The following PPFIBP1 variants were observed in gnomAD, a reference collection of about 807,000 sequenced individuals.
PPFIBP1 encodes the protein PPFIB scaffold protein 1, also known as liprin-beta-1.
Under a neutral mutation model 137.8 loss-of-function variants are expected in PPFIBP1, and 112 were observed. That is an observed-to-expected ratio of 0.81 (90% CI 0.70 to 0.95). The LOEUF is 0.95. Among genes scored for constraint, PPFIBP1 ranks in the 40% least tolerant of loss-of-function variants. The pLI, the probability that PPFIBP1 is intolerant of heterozygous loss-of-function variation, is 0.00. For synonymous variants in PPFIBP1, 378 were observed against 417.3 expected, an observed-to-expected ratio of 0.91 and a Z score of 1.15; for missense variants, 1,083 against 1,196.6, an observed-to-expected ratio of 0.91 and a Z score of 1.40.
chr12:27,531,978 C>T (rs1477239915), intron 1 of PPFIBP1, among the ~76,000 whole-genome samples: 1 of 152,042 alleles, frequency 6.6e-6, no homozygotes, highest in Non-Finnish European at 1.5e-5. Flanking sequence ...TTGTTACTAG[C>T]TGTGTGATTT....
At chr12:27,633,259 A>C (rs2057385124) in intron 2 of PPFIBP1, 103 bp from the exon 3 acceptor site, 12 of 758,680 alleles carry the variant, frequency 1.6e-5, no homozygotes, top group Admixed American at 2.5e-5. Flanking sequence ...TTCTTCTTCC[A>C]TATTTGACTA....
In PPFIBP1 at chr12:27,692,818, T is replaced by A; in HGVS notation, c.2954T>A (p.Met985Lys). ...NLTHMLKEDD[M>K]FKDFAARSPS... ...CAGCACATGTTAAAAGAAGATGACA[T>A]GTTTAAAGATTTTGCTGCCCGTTCC... The change falls in exon 30 of 30, where the codon ATG becomes AAG. Residue 985 changes from methionine (M) to lysine (K), a missense_variant. Met to Lys is a moderately conservative substitution (Grantham distance 95). Transcript: ENST00000228425. 6.2e-7 allele frequency: 1 copy of A among 1,614,188 alleles called. No homozygotes were observed. Among genetic ancestry groups the A allele is most frequent in the Non-Finnish European group, 8.5e-7 (1 of 1,180,026 alleles).
intron 12 of PPFIBP1, 132 bp downstream of exon 12, chr12:27,664,578 C>A (rs2059743855): frequency 3.2e-6 from 2 of 617,020 alleles, no homozygotes; most frequent in African/African-American, 1.9e-5. Flanking sequence ...GTTAATTGAA[C>A]AATTAGGCAA....
Position 27,656,662 on chromosome 12 carries a change from A to T in PPFIBP1, c.743A>T (p.Glu248Val), listed in dbSNP as rs369414467. 2.5e-6 allele frequency: 4 copies of T among 1,613,022 alleles called. No homozygotes were observed. Among genetic ancestry groups the T allele is most frequent in the Non-Finnish European group, 3.4e-6 (4 of 1,179,166 alleles). The change falls in exon 9 of 30, where the codon GAA becomes GTA. Residue 248 changes from glutamate (E) to valine (V), a missense_variant. By Grantham distance (121) the Glu-to-Val change is moderately radical (BLOSUM62 -2). Coordinates refer to ENST00000228425, the MANE Select transcript of PPFIBP1 (RefSeq NM_003622.4). ...LKEQLEEKES[E>V]VKRLQEKLVC... ...GAACAACTAGAAGAAAAGGAATCTG[A>T]AGTAAAAAGGCTACAAGAAAAATTG...
chr12:27,647,684 C>A, intron 5 of PPFIBP1, 45 bp from the exon 6 acceptor site: 3 of 1,234,634 alleles, frequency 2.4e-6, no homozygotes, highest in South Asian at 1.8e-5. Context: ...TGCAGTGGGA[C>A]CCAAATTCTT....
intron 2 of PPFIBP1, chr12:27,592,447 GA>G (rs750972680): frequency 1.8e-4 from 161 of 882,086 alleles, no homozygotes; most frequent in Middle Eastern, 9.9e-4. Flanking sequence ...CCAAAAAGTT[GA>G]AAAATCTGTC....
chr12:27,555,095 G>A lies in PPFIBP1; in HGVS notation c.-123-23057G>A, dbSNP rs149108639. Among the ~76,000 whole-genome samples the A allele has an allele frequency of 2.7e-3, 413 of 152,208 alleles. 3 individuals are homozygous for A. The highest frequency in any genetic ancestry group is 0.01 in the Middle Eastern group (3 of 294). On this transcript the variant is annotated intron_variant, in intron 1 of 29. Transcript: ENST00000228425. Reference sequence around the variant, plus strand: ...AGGCAGGCCCTTCCAGTAAGCAAACGAGCCAAGCTGTTGACAGGAGGTGGC... The same window carrying A: ...AGGCAGGCCCTTCCAGTAAGCAAACAAGCCAAGCTGTTGACAGGAGGTGGC...
At chr12:27,650,872 A>G (rs1455513480) in intron 7 of PPFIBP1, among the ~76,000 whole-genome samples, 2 of 152,244 alleles carry the variant, frequency 1.3e-5, no homozygotes, top group Non-Finnish European at 2.9e-5. Context: ...CATACATTTG[A>G]AATGAAGTAT....
At chr12:27,580,921 T>G (rs1474956717) in intron 2 of PPFIBP1, among the ~76,000 whole-genome samples, 1 of 151,804 alleles carries the variant, frequency 6.6e-6, no homozygotes, top group Non-Finnish European at 1.5e-5. Context: ...TTTTTTTTTT[T>G]CTTTTAAGAG....
chr12:27,676,336 G>A, intron 17 of PPFIBP1, 92 bp from the exon 18 acceptor site: 1 of 963,316 alleles, frequency 1.0e-6, no homozygotes, highest in Non-Finnish European at 1.4e-6. Context: ...TAAACTCATG[G>A]ATGTGGCGTG....
At chr12:27,644,208 C>G (rs2058307131) in intron 4 of PPFIBP1, among the ~76,000 whole-genome samples, 1 of 149,240 alleles carries the variant, frequency 6.7e-6, no homozygotes, top group Admixed American at 6.7e-5. Context: ...TCCAGAGTAA[C>G]TAGGACCACA....
intron 19 of PPFIBP1, chr12:27,677,757 G>C (rs1565998145): frequency 6.6e-6 from 1 of 152,294 alleles, no homozygotes. Flanking sequence ...AGAGAAATAT[G>C]GTAGTTTTAA....
At chr12:27,562,137 A>G (rs1364605237) in intron 1 of PPFIBP1, among the ~76,000 whole-genome samples, 1 of 152,104 alleles carries the variant, frequency 6.6e-6, no homozygotes, top group East Asian at 1.9e-4. Flanking sequence ...CCATAGTATC[A>G]CTGTCTCTTG....
At chr12:27,609,460 T>C (rs1349148346) in intron 2 of PPFIBP1, among the ~76,000 whole-genome samples, 3 of 152,156 alleles carry the variant, frequency 2.0e-5, no homozygotes. Flanking sequence ...CTAACATATG[T>C]TACATCTGTC....
chr12:27,549,903 G>T (rs1295786371), intron 1 of PPFIBP1, among the ~76,000 whole-genome samples: 2 of 152,178 alleles, frequency 1.3e-5, no homozygotes, highest in Non-Finnish European at 2.9e-5. Context: ...TGAAGCGTGG[G>T]AGAGCTTCGC....
At chr12:27,550,659 C>T (rs1447675671) in intron 1 of PPFIBP1, among the ~76,000 whole-genome samples, 3 of 152,062 alleles carry the variant, frequency 2.0e-5, no homozygotes, top group East Asian at 1.9e-4. Flanking sequence ...TCTGTGCCAC[C>T]GCGAATTGTA....
At chr12:27,684,050 G>C (rs915435601) in intron 24 of PPFIBP1, among the ~76,000 whole-genome samples, 1 of 152,050 alleles carries the variant, frequency 6.6e-6, no homozygotes, top group African/African-American at 2.4e-5. Flanking sequence ...GCCTCCCAAA[G>C]TGCTGGGATT....
At chr12:27,661,670 G>C (rs1297227739) in intron 11 of PPFIBP1, among the ~76,000 whole-genome samples, 2 of 152,192 alleles carry the variant, frequency 1.3e-5, no homozygotes, top group Admixed American at 1.3e-4. Flanking sequence ...AATAGAACCA[G>C]GGGACATTTT....
intron 1 of PPFIBP1, among the ~76,000 whole-genome samples, chr12:27,543,624 T>C (rs1945895088): frequency 6.6e-6 from 1 of 152,178 alleles, no homozygotes; most frequent in East Asian, 1.9e-4. Flanking sequence ...ACGCCATGTA[T>C]ATGCTTCACC....
Sources: allele counts gnomAD v4.1 joint callset (sites outside exome capture counted in the v4.1 genomes callset), GRCh38; gene constraint gnomAD v4.1.1; transcripts MANE v1.5; gene names NCBI Gene and HGNC (gene_info 2026-07-23, HGNC 2026-07-21).